Variants in PALMD observed in about 807,000 individuals in gnomAD.
PALMD encodes paralemmin-like protein.
A neutral mutation model predicts 56.2 loss-of-function variants in PALMD; 42 were observed. The ratio of observed to expected loss-of-function variants is 0.75; its 90% CI spans 0.58 to 0.97. The LOEUF is 0.97. Among genes scored for constraint, PALMD ranks in the 50% least tolerant of loss-of-function variants. PALMD has a pLI of 0.00. For missense variants in PALMD, 660 were observed against 643.8 expected (o/e 1.03, Z -0.27); for synonymous variants, 242 against 222.9 (o/e 1.09, Z -0.76).
At position 99,686,782 on chromosome 1, in the gene PALMD, A is replaced by T. The variant is rs138639245; in HGVS notation, c.358A>T (p.Ile120Phe). Reference protein sequence around the residue: ...LKSIERTTEDIIRSVKVEREE... With the variant: ...LKSIERTTEDFIRSVKVEREE... ...GTCAATTGAGCGGACAACAGAAGACATTATAAGAGTGAGCATTAACCAATT... is the reference window on the plus strand; with the variant it reads ...GTCAATTGAGCGGACAACAGAAGACTTTATAAGAGTGAGCATTAACCAATT... The change falls in exon 4 of 8, where the codon ATT (isoleucine) becomes TTT (phenylalanine). Residue 120 changes from isoleucine to phenylalanine, a missense_variant. Transcript: ENST00000263174. 1.9e-6 allele frequency: 3 copies of T among 1,547,514 alleles called. No homozygotes were observed. In the African/African-American group the frequency reaches 4.1e-5, roughly 21 times the overall value.
chr1:99,668,943 A>G (rs184203660), intron 3 of PALMD: 1 of 152,360 alleles, frequency 6.6e-6, no homozygotes, highest in Admixed American at 6.5e-5. Context: ...TCACGACAAC[A>G]AATTAAAGTC....
At chr1:99,687,740 T>C (rs1021381477) in intron 6 of PALMD, among the ~76,000 whole-genome samples, 8 of 152,166 alleles carry the variant, frequency 5.3e-5, no homozygotes, top group African/African-American at 1.9e-4. Flanking sequence ...ATTTAGAGAA[T>C]AGATACTGTG....
intron 1 of PALMD, among the ~76,000 whole-genome samples, chr1:99,648,481 G>T (rs577663968): frequency 6.6e-6 from 1 of 152,216 alleles, no homozygotes; most frequent in Admixed American, 6.5e-5. Context: ...TTCATTTTTG[G>T]AAATGCTTAA....
chr1:99,649,474 A>T (rs1450058550), intron 1 of PALMD, among the ~76,000 whole-genome samples: 1 of 151,942 alleles, frequency 6.6e-6, no homozygotes, highest in Non-Finnish European at 1.5e-5. Context: ...ATTCTCGAGA[A>T]GAGTGAGATG....
At chr1:99,655,146 A>T (rs1652690036) in intron 1 of PALMD, among the ~76,000 whole-genome samples, 1 of 152,144 alleles carries the variant, frequency 6.6e-6, no homozygotes, top group Non-Finnish European at 1.5e-5. Flanking sequence ...AATAGGAAAG[A>T]ATTATTTGAT....
At chr1:99,674,530 T>G (rs937649158) in intron 3 of PALMD, among the ~76,000 whole-genome samples, 5 of 152,096 alleles carry the variant, frequency 3.3e-5, no homozygotes, top group Admixed American at 1.3e-4. Context: ...TCTTGATTCA[T>G]TCCATGAACA....
At position 99,676,057 on chromosome 1, in the gene PALMD, T is replaced by G. The variant is rs113644835; in HGVS notation, c.251+8291T>G. On this transcript the variant is annotated intron_variant, in intron 3 of 7. Transcript: ENST00000263174. Reference sequence around the variant, plus strand: ...GTTTTAATGTCATTGTTCCCTTGCCTCTCTGCTTCTTGTTATCTTAAAACT... The same window carrying G: ...GTTTTAATGTCATTGTTCCCTTGCCGCTCTGCTTCTTGTTATCTTAAAACT... Among the ~76,000 whole-genome samples, 899 of 152,330 alleles carry G rather than the reference T, an allele frequency of 5.9e-3. 9 individuals carry two copies. Among genetic ancestry groups the G allele is most frequent in the African/African-American group, 0.021 (863 of 41,578 alleles).
chr1:99,667,452 A>T lies in PALMD; in HGVS notation c.127-190A>T, dbSNP rs1375243616. ...TATAAATGGGATTTAGATGCATAAA[A>T]CCTGGCTTTGAATACAGTCAAGAAG... On this transcript the variant is annotated intron_variant, in intron 2 of 7. Coordinates refer to ENST00000263174, the MANE Select transcript of PALMD (RefSeq NM_017734.5). The T allele has an allele frequency of 1.0e-5, 6 of 585,120 alleles. No individual in the cohort carries two copies. In the South Asian group the frequency reaches 1.3e-4, roughly 12 times the overall value. 36.2% of individuals were successfully genotyped at this position (585,120 alleles called of 1,614,324 possible). A position where few individuals can be genotyped will look rare whatever the true frequency, so the allele number is the denominator to read the frequency against.
intron 3 of PALMD, among the ~76,000 whole-genome samples, chr1:99,674,551 C>G (rs1325914506): frequency 6.6e-6 from 1 of 151,822 alleles, no homozygotes; most frequent in Non-Finnish European, 1.5e-5. Context: ...TTATTGAGAA[C>G]TTGCCATATG....
chr1:99,666,832 A>T (rs1368860725), intron 2 of PALMD, among the ~76,000 whole-genome samples: 1 of 152,182 alleles, frequency 6.6e-6, no homozygotes, highest in African/African-American at 2.4e-5. Context: ...CATTTGTTTT[A>T]AGTCTTCTTA....
At chr1:99,671,600 A>T (rs1018097978) in intron 3 of PALMD, among the ~76,000 whole-genome samples, 3 of 152,198 alleles carry the variant, frequency 2.0e-5, no homozygotes, top group Non-Finnish European at 2.9e-5. Context: ...GCTAGTACAA[A>T]GAGTGTTTTT....
rs111759776 is a variant in PALMD at position 99,648,054 on chromosome 1, C to T, written c.45+1692C>T. Among the ~76,000 whole-genome samples, 410 of 152,154 alleles carry T rather than the reference C, an allele frequency of 2.7e-3. 2 individuals are homozygous for T. Among genetic ancestry groups the T allele is most frequent in the Non-Finnish European group, 4.1e-3 (277 of 67,996 alleles). ...AGCTTCCTGAATATGCAGATGTATG[C>T]TTTTTTGATGATTAAAAAAATTTTT... is the stretch of plus-strand genomic sequence containing the variant. On this transcript the variant is annotated intron_variant, in intron 1 of 7. Transcript: ENST00000263174.
At chr1:99,688,411 A>C (rs1653562978) in intron 6 of PALMD, among the ~76,000 whole-genome samples, 1 of 152,174 alleles carries the variant, frequency 6.6e-6, no homozygotes, top group Admixed American at 6.5e-5. Flanking sequence ...CTGCCCATTG[A>C]GAAATGCAAA....
In PALMD at chr1:99,689,305, A is replaced by T. The variant is rs780512761; in HGVS notation, c.1045A>T (p.Thr349Ser). ...KLHTPQKRLM[T>S]PWEESNVMQD... is the part of the protein sequence containing the mutation. ...TCACACCCCGCAAAAAAGGCTAATG[A>T]CTCCTTGGGAAGAATCGAATGTCAT... Residue 349 changes from threonine to serine, a missense_variant, in exon 7 of 8, where the codon ACT becomes TCT. Coordinates refer to ENST00000263174, the MANE Select transcript of PALMD (RefSeq NM_017734.5). 1.2e-6 allele frequency: 2 copies of T among 1,613,274 alleles called. No homozygotes were observed. The highest frequency in any genetic ancestry group is 1.7e-6 in the Non-Finnish European group (2 of 1,179,762).
At chr1:99,677,940 A>G (rs1653250279) in intron 3 of PALMD, among the ~76,000 whole-genome samples, 1 of 152,134 alleles carries the variant, frequency 6.6e-6, no homozygotes, top group Non-Finnish European at 1.5e-5. Context: ...TGTTTAGATC[A>G]GTATTTGCAA....
rs1653595575 is a variant in PALMD, at chr1:99,689,099, G to A, written c.839G>A (p.Gly280Glu). 1 of 1,613,400 alleles carries A rather than the reference G, an allele frequency of 6.2e-7. No homozygotes were observed. The highest frequency in any genetic ancestry group is 8.5e-7 in the Non-Finnish European group (1 of 1,179,746). ...CCACAGAGAGAAACGGTGACCCCTGGACCAAACTTTCAAGAAAGGATAAAG... is the reference window on the plus strand; with the variant it reads ...CCACAGAGAGAAACGGTGACCCCTGAACCAAACTTTCAAGAAAGGATAAAG... ...TTPQRETVTP[G>E]PNFQERIKIK... The change falls in exon 7 of 8, where the codon GGA (glycine) becomes GAA (glutamate). Residue 280 changes from glycine (G) to glutamate (E), a missense_variant. By Grantham distance (98) the Gly-to-Glu change is moderately conservative. Coordinates refer to ENST00000263174, the MANE Select transcript of PALMD (RefSeq NM_017734.5).
intron 3 of PALMD, among the ~76,000 whole-genome samples, chr1:99,675,037 C>T (rs566551068): frequency 6.6e-6 from 1 of 152,314 alleles, no homozygotes; most frequent in South Asian, 2.1e-4. Flanking sequence ...AATGTCACTT[C>T]GTCCATTTAG....
At chr1:99,657,034 CT>C (rs1652739924) in intron 1 of PALMD, among the ~76,000 whole-genome samples, 1 of 152,196 alleles carries the variant, frequency 6.6e-6, no homozygotes, top group African/African-American at 2.4e-5. Context: ...CCAAAATAAA[CT>C]TCCATGTGGG....
intron 3 of PALMD, among the ~76,000 whole-genome samples, chr1:99,682,781 A>G (rs897130492): frequency 2.6e-5 from 4 of 151,846 alleles, no homozygotes; most frequent in Non-Finnish European, 5.9e-5. Flanking sequence ...CGAGGCAAGC[A>G]GATCACTTGA....
Sources: allele counts gnomAD v4.1 joint callset (sites outside exome capture counted in the v4.1 genomes callset), GRCh38; gene constraint gnomAD v4.1.1; transcripts MANE v1.5; gene names NCBI Gene and HGNC (gene_info 2026-07-23, HGNC 2026-07-21).